The following CNTN1 variants were observed in gnomAD, a reference collection of about 807,000 sequenced individuals.
The protein encoded by CNTN1 is contactin 1, also known as contactin-1.
CNTN1 carries 38 observed loss-of-function variants against 126.4 expected under a neutral mutation model. That is an observed-to-expected ratio of 0.30 (90% CI 0.23 to 0.39). The LOEUF (loss-of-function observed/expected upper bound fraction) is 0.39, where lower values mean the gene tolerates loss of function less well. Among genes scored for constraint, CNTN1 ranks in the 10% least tolerant of loss-of-function variants. CNTN1 has a pLI of 1.00. For synonymous variants in CNTN1, 413 were observed against 422.6 expected (o/e 0.98, Z 0.28); for missense variants, 1,009 against 1,248.4 (o/e 0.81, Z 2.89).
chr12:40,904,656 C>T (rs1164344414), intron 1 of CNTN1, among the ~76,000 whole-genome samples: 1 of 152,102 alleles, frequency 6.6e-6, no homozygotes, highest in Non-Finnish European at 1.5e-5. Flanking sequence ...TCTCGAACTC[C>T]TGACCTTAGG....
At chr12:40,933,408 A>G (rs1772595862) in intron 7 of CNTN1, 53 bp from the exon 8 acceptor site, 1 of 1,186,546 alleles carries the variant, frequency 8.4e-7, no homozygotes, top group Admixed American at 1.7e-5. Flanking sequence ...GTTTAAGAAT[A>G]ACTAATATTG....
At chr12:40,705,637 C>T (rs1438487981) in intron 1 of CNTN1, among the ~76,000 whole-genome samples, 1 of 152,072 alleles carries the variant, frequency 6.6e-6, no homozygotes, top group African/African-American at 2.4e-5. Flanking sequence ...CCCACTAACT[C>T]GTCATCTAGC....
chr12:40,937,397 G>GC (rs1243266205), intron 10 of CNTN1, among the ~76,000 whole-genome samples, 173 bp from the exon 11 acceptor site: 2 of 152,120 alleles, frequency 1.3e-5, no homozygotes, highest in Non-Finnish European at 2.9e-5. Context: ...TTTGGGCATG[G>GC]TAAGTGGGTT....
chr12:40,959,703 A>G (rs1947039376), intron 15 of CNTN1, among the ~76,000 whole-genome samples: 1 of 151,988 alleles, frequency 6.6e-6, no homozygotes, highest in Non-Finnish European at 1.5e-5. Context: ...GTTTTTTCAA[A>G]TTAGTGTTTT....
chr12:40,975,499 A>AC lies in CNTN1; in HGVS notation c.1805-5405dup, dbSNP rs371069544. ...ACTTGTTTTTAGTCAACTTTGAAGA[A>AC]CCCCCAAGGTAAGAAACATAACACT... On this transcript the variant is annotated intron_variant, in intron 15 of 23. Coordinates refer to ENST00000551295, the MANE Select transcript of CNTN1 (RefSeq NM_001843.4). Among the ~76,000 whole-genome samples the AC allele has an allele frequency of 1.6e-3, 248 of 151,854 alleles. 3 individuals are homozygous for AC. The highest frequency in any genetic ancestry group is 5.2e-3 in the African/African-American group (215 of 41,424).
At chr12:40,804,655 G>T (rs1940776537) in intron 1 of CNTN1, among the ~76,000 whole-genome samples, 1 of 151,918 alleles carries the variant, frequency 6.6e-6, no homozygotes, top group African/African-American at 2.4e-5. Context: ...ATGGATTCAG[G>T]TTATAGGGTC....
chr12:41,051,302 C>G (rs1424447357), intron 23 of CNTN1, among the ~76,000 whole-genome samples: 2 of 151,110 alleles, frequency 1.3e-5, no homozygotes, highest in South Asian at 4.2e-4. Flanking sequence ...TGCCCGCCAC[C>G]ATGCCCAGAT....
chr12:40,795,578 TACACAC>T (rs549330420), intron 1 of CNTN1, among the ~76,000 whole-genome samples: 2 of 145,062 alleles, frequency 1.4e-5, no homozygotes, highest in African/African-American at 5.1e-5. Context: ...TTCTGAAAAA[TACACAC>T]ACACACACAC....
chr12:40,911,972 A>T (rs1945053985), intron 3 of CNTN1, among the ~76,000 whole-genome samples: 1 of 150,776 alleles, frequency 6.6e-6, no homozygotes, highest in African/African-American at 2.4e-5. Context: ...GTCAACCAAC[A>T]ATGTCTGCGA....
At chr12:40,827,095 CT>C (rs1941637418) in intron 1 of CNTN1, among the ~76,000 whole-genome samples, 1 of 151,952 alleles carries the variant, frequency 6.6e-6, no homozygotes, top group African/African-American at 2.4e-5. Context: ...TTTGCAAATA[CT>C]GTTACGACAT....
chr12:40,736,890 T>A (rs976855756), intron 1 of CNTN1, among the ~76,000 whole-genome samples: 5 of 151,934 alleles, frequency 3.3e-5, no homozygotes, highest in Non-Finnish European at 5.9e-5. Context: ...ACATTAAGAA[T>A]TGGAAATGGG....
intron 1 of CNTN1, among the ~76,000 whole-genome samples, chr12:40,793,865 C>T (rs1245765184): frequency 2.6e-5 from 4 of 151,954 alleles, no homozygotes; most frequent in Non-Finnish European, 5.9e-5. Context: ...TCCATCCATT[C>T]GTTCAAATCT....
intron 19 of CNTN1, among the ~76,000 whole-genome samples, chr12:41,019,748 C>G (rs1439636288): frequency 6.6e-6 from 1 of 152,036 alleles, no homozygotes; most frequent in Non-Finnish European, 1.5e-5. Flanking sequence ...CAACTTGTTT[C>G]AAAGGCTCTT....
At chr12:40,737,359 G>GTGTGTATATATA (rs1304140380) in intron 1 of CNTN1, among the ~76,000 whole-genome samples, 116 of 113,262 alleles carry the variant, frequency 1.0e-3, no homozygotes, top group African/African-American at 3.8e-3. Flanking sequence ...ATGTGTGTGT[G>GTGTGTATATATA]TATATATATA....
At chr12:40,950,172 TA>T (rs1174306154) in intron 14 of CNTN1, among the ~76,000 whole-genome samples, 2 of 151,192 alleles carry the variant, frequency 1.3e-5, no homozygotes, top group Non-Finnish European at 2.9e-5. Flanking sequence ...TTAAATATCC[TA>T]TAATGCACAA....
chr12:41,021,827 A>G (rs1272541390), intron 20 of CNTN1, among the ~76,000 whole-genome samples: 1 of 152,128 alleles, frequency 6.6e-6, no homozygotes, highest in Non-Finnish European at 1.5e-5. Context: ...AGTAGGAAAG[A>G]GAGAAATTCA....
intron 23 of CNTN1, among the ~76,000 whole-genome samples, chr12:41,031,052 C>T (rs897219392): frequency 3.3e-5 from 5 of 152,130 alleles, no homozygotes; most frequent in Admixed American, 6.6e-5. Context: ...CCAGCCACAG[C>T]GAGCTTTTGC....
intron 1 of CNTN1, among the ~76,000 whole-genome samples, chr12:40,901,643 G>A (rs1279177785): frequency 6.6e-6 from 1 of 152,180 alleles, no homozygotes; most frequent in Admixed American, 6.5e-5. Flanking sequence ...CAAGTGACAG[G>A]CTGTTTGAGG....
intron 17 of CNTN1, among the ~76,000 whole-genome samples, chr12:41,001,658 ATGAAATCTTTGCCCATTCCTATCTTC>A (rs757898766): frequency 1.3e-5 from 2 of 152,146 alleles, no homozygotes; most frequent in African/African-American, 2.4e-5. Flanking sequence ...CATCTTCATC[ATGAAATCTTTGCCCATTCCTATCTTC>A]TGAAATCTTT....
Sources: gnomAD v4.1 joint callset for allele counts (sites outside exome capture counted in the v4.1 genomes callset) on GRCh38, gnomAD v4.1.1 for gene constraint, MANE v1.5 for transcripts, NCBI Gene and HGNC (gene_info 2026-07-23, HGNC 2026-07-21) for gene names.